DMD: variants seen among roughly 807,000 people sequenced by gnomAD.
DMD encodes the protein dystrophin, also known as mutant dystrophin.
DMD carries 63 observed loss-of-function variants against 330.1 expected under a neutral mutation model. That is an observed-to-expected ratio of 0.19 (90% CI 0.16 to 0.24). The LOEUF is 0.24. Ranked by LOEUF, DMD falls within the 10% of genes least tolerant of loss-of-function variation. DMD has a pLI of 1.00. For synonymous variants in DMD, 1,223 were observed against 959.8 expected, an observed-to-expected ratio of 1.27 and a Z score of -5.07; for missense variants, 3,344 against 2,684.1, an observed-to-expected ratio of 1.25 and a Z score of -5.43.
At chrX:31,183,344 T>C (rs62590110) in intron 67 of DMD, among the ~76,000 whole-genome samples, 7,759 of 109,804 alleles carry the variant, frequency 0.071, 239 homozygotes, top group East Asian at 0.16. Flanking sequence ...AGAATCATAA[T>C]GAGGGGCTTT....
intron 42 of DMD, among the ~76,000 whole-genome samples, chrX:32,288,985 T>G (rs1243812900): frequency 8.9e-6 from 1 of 111,790 alleles, no homozygotes; most frequent in Admixed American, 9.6e-5. Flanking sequence ...TGGGCATGTA[T>G]TGGAATCAGC....
At chrX:33,130,937 C>T (rs1048398700) in intron 1 of DMD, among the ~76,000 whole-genome samples, 2 of 111,559 alleles carry the variant, frequency 1.8e-5, no homozygotes, top group African/African-American at 6.5e-5. Context: ...CTCAGCAAAC[C>T]TGCAATATTG....
chrX:32,511,331 G>A (rs1290778756), intron 18 of DMD, among the ~76,000 whole-genome samples: 1 of 109,042 alleles, frequency 9.2e-6, no homozygotes, highest in Non-Finnish European at 1.9e-5. Context: ...AGACCATCCT[G>A]GCCAACAGTT....
At chrX:32,366,258 C>A (rs866791852) in intron 34 of DMD, among the ~76,000 whole-genome samples, 1 of 112,173 alleles carries the variant, frequency 8.9e-6, no homozygotes, top group African/African-American at 3.2e-5. Flanking sequence ...GGCCACTCGG[C>A]ATTCCACTGA....
At chrX:32,705,850 A>G (rs748148638) in intron 7 of DMD, among the ~76,000 whole-genome samples, 28 of 110,681 alleles carry the variant, frequency 2.5e-4, no homozygotes, top group African/African-American at 7.6e-4. Flanking sequence ...TAGAAATACC[A>G]TTTGAGCCAG....
chrX:31,845,421 C>CTCTCTA (rs2093408450), intron 48 of DMD, among the ~76,000 whole-genome samples: 1 of 97,636 alleles, frequency 1.0e-5, no homozygotes, highest in Admixed American at 1.1e-4. Context: ...CTCTCTCTCT[C>CTCTCTA]TCTCCCTCTC....
chrX:32,517,474 G>A (rs1160149026), intron 18 of DMD: 1 of 112,690 alleles, frequency 8.9e-6, no homozygotes, highest in African/African-American at 3.2e-5. Context: ...TGTAAATACT[G>A]AGAAAGGCTG....
At chrX:32,015,625 C>A (rs2095754828) in intron 44 of DMD, among the ~76,000 whole-genome samples, 1 of 112,083 alleles carries the variant, frequency 8.9e-6, no homozygotes, top group African/African-American at 3.2e-5. Flanking sequence ...AAAAACATCA[C>A]TTTAATAATC....
At chrX:32,962,400 G>A (rs751074552) in intron 2 of DMD, among the ~76,000 whole-genome samples, 3 of 111,067 alleles carry the variant, frequency 2.7e-5, no homozygotes, top group African/African-American at 9.8e-5. Context: ...TTTTATATTC[G>A]TGCTTCTATA....
At chrX:31,450,175 T>A (rs946931905) in intron 59 of DMD, among the ~76,000 whole-genome samples, 1 of 111,536 alleles carries the variant, frequency 9.0e-6, no homozygotes. Context: ...GAGCTAGTCA[T>A]GAGAAGGCAA....
At chrX:33,339,207 T>C in intron 1 of DMD, 1 of 1,023,532 alleles carries the variant, frequency 9.8e-7, no homozygotes, top group Non-Finnish European at 1.3e-6. Flanking sequence ...TGCTTTGTCA[T>C]GGCCAGCTTC....
chrX:32,644,090 A>G (rs1344121713), intron 11 of DMD, 42 bp downstream of exon 11: 1 of 1,121,562 alleles, frequency 8.9e-7, no homozygotes, highest in Non-Finnish European at 1.2e-6. Flanking sequence ...CAAGCTTCCA[A>G]AACTTGTTAG....
At chrX:32,325,123 C>A (rs1603630772) in intron 41 of DMD, among the ~76,000 whole-genome samples, 1 of 110,517 alleles carries the variant, frequency 9.0e-6, no homozygotes, top group East Asian at 2.9e-4. Context: ...ATATACTATT[C>A]ATTGGTAAGA....
intron 41 of DMD, among the ~76,000 whole-genome samples, chrX:32,314,695 GAA>G (rs1218871202): frequency 9.1e-5 from 10 of 110,270 alleles, no homozygotes; most frequent in African/African-American, 3.0e-4. Flanking sequence ...AAATTTACAA[GAA>G]AAAAAAGACC....
At position 31,489,751 on chromosome X, in the gene DMD, G is replaced by T. The variant is rs181888018; in HGVS notation, c.8547+7037C>A. Among the ~76,000 whole-genome samples, 4 of 111,757 alleles carry T rather than the reference G, an allele frequency of 3.6e-5. No homozygotes were observed. In the Admixed American group the frequency reaches 3.8e-4, roughly 11 times the overall value. Reference sequence around the variant, plus strand: ...AAATAATGTTTTTGGGGGACAAAAGGAAGAGCACAGAAAAAAATCAAGGGG... The same window carrying T: ...AAATAATGTTTTTGGGGGACAAAAGTAAGAGCACAGAAAAAAATCAAGGGG... On this transcript the variant is annotated intron_variant, in intron 57 of 78. Transcript: ENST00000357033.
At chrX:32,925,145 G>GTTTTTTTTTTTTTTT (rs777224221) in intron 2 of DMD, among the ~76,000 whole-genome samples, 4 of 48,534 alleles carry the variant, frequency 8.2e-5, no homozygotes, top group Admixed American at 2.6e-4. Flanking sequence ...AAAACTCTGG[G>GTTTTTTTTTTTTTTT]TTTTTTTTTT....
chrX:32,920,435 C>G lies in DMD; in HGVS notation c.94-70615G>C, dbSNP rs772576463. ...GCAGTAAATTGTGAATAAATAAATG[C>G]AGTAAAAAGCCTAGGCTCCTTGGAG... On this transcript the variant is annotated intron_variant, in intron 2 of 78. Coordinates refer to ENST00000357033, the MANE Select transcript of DMD (RefSeq NM_004006.3). 2.7e-5 allele frequency among the ~76,000 whole-genome samples: 3 copies of G among 111,505 alleles called. No homozygotes were observed. The South Asian group carries it at 1.1e-3, about 42-fold the overall frequency.
intron 2 of DMD, among the ~76,000 whole-genome samples, chrX:32,931,975 G>T (rs5928120): frequency 0.16 from 17,249 of 110,977 alleles, 1,131 homozygotes; most frequent in African/African-American, 0.24. Context: ...CCAGACAATT[G>T]TTACTAGAAC....
intron 1 of DMD, among the ~76,000 whole-genome samples, chrX:33,165,350 G>A (rs773607317): frequency 2.7e-5 from 3 of 111,704 alleles, no homozygotes; most frequent in Non-Finnish European, 5.6e-5. Flanking sequence ...TTTACTGTCT[G>A]TCTAGTTTTA....
Sources: gnomAD v4.1 joint callset for allele counts (sites outside exome capture counted in the v4.1 genomes callset) on GRCh38, gnomAD v4.1.1 for gene constraint, MANE v1.5 for transcripts, NCBI Gene and HGNC (gene_info 2026-07-23, HGNC 2026-07-21) for gene names.